The following STAB2 variants were observed in gnomAD, a reference collection of about 807,000 sequenced individuals.
The protein encoded by STAB2 is stabilin 2.
A neutral mutation model predicts 338.1 loss-of-function variants in STAB2; 288 were observed. The observed-to-expected ratio is 0.85, with a 90% CI of 0.77 to 0.94. The LOEUF (loss-of-function observed/expected upper bound fraction) is 0.94. STAB2 is among the 40% of genes least tolerant of loss of function. The probability of loss-of-function intolerance (pLI) is 0.00; values close to 1 mark genes in which losing one functional copy is unlikely to be tolerated. For synonymous variants in STAB2, 1,202 were observed against 1,193.3 expected, an observed-to-expected ratio of 1.01 and a Z score of -0.15; for missense variants, 3,141 against 3,210.1, an observed-to-expected ratio of 0.98 and a Z score of 0.52.
chr12:103,640,364 A>T, intron 9 of STAB2, 108 bp downstream of exon 9: 1 of 1,413,508 alleles, frequency 7.1e-7, no homozygotes, highest in South Asian at 1.4e-5. Context: ...TCAGCCTTGC[A>T]TCCACCCCCA....
rs985062203 is a variant in STAB2 at position 103,591,072 on chromosome 12, C to T, written c.215+42C>T. 7.5e-6 allele frequency: 12 copies of T among 1,609,704 alleles called. No individual in the cohort carries two copies. The East Asian group carries it at 2.5e-4, about 33-fold the overall frequency. On this transcript the variant is annotated intron_variant, in intron 2 of 68. Coordinates refer to ENST00000388887, the MANE Select transcript of STAB2 (RefSeq NM_017564.10). ...AAACGTGATGGAACTATGAATCCAA[C>T]TTGAAGCTCCCTGTCTCAAAAACTG...
chr12:103,644,805 T>C (rs1873214929), intron 9 of STAB2, among the ~76,000 whole-genome samples: 1 of 151,920 alleles, frequency 6.6e-6, no homozygotes, highest in African/African-American at 2.4e-5. Flanking sequence ...ACTGAAAGAG[T>C]ATAATTGGGT....
intron 34 of STAB2, 135 bp downstream of exon 34, chr12:103,699,362 C>A: frequency 8.6e-7 from 1 of 1,167,070 alleles, no homozygotes. Flanking sequence ...CTGATAAAGA[C>A]ATAGCCAAGA....
intron 47 of STAB2, among the ~76,000 whole-genome samples, chr12:103,727,739 C>T (rs568199891): frequency 5.3e-4 from 81 of 152,244 alleles, no homozygotes; most frequent in African/African-American, 1.8e-3. Flanking sequence ...CTAATATTCA[C>T]GGGGGCTCTT....
chr12:103,727,971 T>C (rs1422466364), intron 47 of STAB2, among the ~76,000 whole-genome samples: 1 of 152,182 alleles, frequency 6.6e-6, no homozygotes, highest in Admixed American at 6.5e-5. Context: ...TGGGCCCGTG[T>C]ACTTAACCAC....
chr12:103,716,081 G>T (rs192675832), intron 43 of STAB2, among the ~76,000 whole-genome samples, 193 bp downstream of exon 43: 117 of 152,270 alleles, frequency 7.7e-4, no homozygotes, highest in Non-Finnish European at 1.3e-3. Flanking sequence ...GAAAACCAAG[G>T]GTACTAGGAC....
intron 31 of STAB2, among the ~76,000 whole-genome samples, chr12:103,693,946 A>T (rs1448725466): frequency 6.6e-6 from 1 of 151,818 alleles, no homozygotes; most frequent in Non-Finnish European, 1.5e-5. Flanking sequence ...AGGTCAAGAG[A>T]TCGAAACCAT....
chr12:103,604,293 T>G (rs1305433487), intron 3 of STAB2, among the ~76,000 whole-genome samples: 1 of 152,140 alleles, frequency 6.6e-6, no homozygotes, highest in Non-Finnish European at 1.5e-5. Flanking sequence ...ATTTTGTGTC[T>G]GTACTCATTG....
Position 103,766,514 on chromosome 12 carries a change from A to C in STAB2, c.*178A>C. 1 of 661,022 alleles carries C rather than the reference A, an allele frequency of 1.5e-6. No individual in the cohort carries two copies. The highest frequency in any genetic ancestry group is 2.5e-6 in the Non-Finnish European group (1 of 395,712). The allele number at this position is 661,022 out of a possible 1,614,324, so 40.9% of individuals were successfully genotyped here. The stretch of plus-strand genomic sequence containing the variant: ...GGGTGAGAGATGTGTTGCTGTGCCC[A>C]CCCAGTACAGCTTCCTCCTCTGACC... On this transcript the variant is annotated 3_prime_UTR_variant, in exon 69 of 69. Transcript: ENST00000388887.
At chr12:103,600,091 T>C (rs1203201481) in intron 3 of STAB2, among the ~76,000 whole-genome samples, 3 of 152,224 alleles carry the variant, frequency 2.0e-5, no homozygotes, top group African/African-American at 7.2e-5. Flanking sequence ...CTCATTTAGA[T>C]GTGAAAATGA....
intron 39 of STAB2, 106 bp from the exon 40 acceptor site, chr12:103,711,365 A>G: frequency 6.9e-7 from 1 of 1,444,384 alleles, no homozygotes; most frequent in Non-Finnish European, 9.6e-7. Flanking sequence ...CGCTCACATG[A>G]TACATATCAC....
rs1957464474 is a variant in STAB2, at chr12:103,631,630, G to A, written c.520G>A (p.Gly174Arg). 6.2e-7 allele frequency: 1 copy of A among 1,614,128 alleles called. No homozygotes were observed. Among genetic ancestry groups the A allele is most frequent in the Non-Finnish European group, 8.5e-7 (1 of 1,180,028 alleles). ...CNCVHGVCNS[G>R]LDGDGTCECY... ...CTGTGTGCATGGGGTGTGCAACAGTGGACTAGATGGCGATGGAACCTGTGA... is the reference window on the plus strand; with the variant it reads ...CTGTGTGCATGGGGTGTGCAACAGTAGACTAGATGGCGATGGAACCTGTGA... Residue 174 changes from glycine (G) to arginine (R), a missense_variant, in exon 6 of 69, where the codon GGA (glycine) becomes AGA (arginine). By Grantham distance (125) the Gly-to-Arg change is moderately radical (BLOSUM62 -2). Transcript: ENST00000388887.
chr12:103,723,516 G>A (rs904457945), intron 44 of STAB2, among the ~76,000 whole-genome samples: 23 of 152,386 alleles, frequency 1.5e-4, no homozygotes, highest in African/African-American at 5.3e-4. Context: ...TGAGATTTGG[G>A]TGGGAACACA....
intron 52 of STAB2, among the ~76,000 whole-genome samples, chr12:103,737,298 G>A (rs1882206113): frequency 6.6e-6 from 1 of 152,168 alleles, no homozygotes. Context: ...ACCATTCACT[G>A]GGCAAGTCAT....
At chr12:103,654,863 G>C in intron 13 of STAB2, 165 bp downstream of exon 13, 1 of 860,448 alleles carries the variant, frequency 1.2e-6, no homozygotes, top group African/African-American at 1.7e-5. Context: ...AGAAACCTGG[G>C]AATCTCTGCA....
chr12:103,649,934 G>A (rs1873614106), intron 10 of STAB2, among the ~76,000 whole-genome samples: 1 of 152,118 alleles, frequency 6.6e-6, no homozygotes, highest in South Asian at 2.1e-4. Context: ...CACTGCCTCT[G>A]GGTGTGAGAA....
intron 59 of STAB2, among the ~76,000 whole-genome samples, chr12:103,749,945 G>A (rs1439595946): frequency 2.7e-5 from 4 of 150,450 alleles, no homozygotes; most frequent in East Asian, 2.0e-4. Flanking sequence ...TATAAAGGTG[G>A]TTCTAGAGTC....
intron 12 of STAB2, among the ~76,000 whole-genome samples, chr12:103,653,000 C>T (rs1873859991): frequency 6.6e-6 from 1 of 152,134 alleles, no homozygotes; most frequent in Non-Finnish European, 1.5e-5. Flanking sequence ...AGAAACTTTG[C>T]TATAAACCTG....
At position 103,654,768 on chromosome 12, in the gene STAB2, G is replaced by A. The variant is rs1235092636; in HGVS notation, c.1551+70G>A. 1.9e-6 allele frequency: 3 copies of A among 1,554,754 alleles called. No individual in the cohort carries two copies. In the Admixed American group the frequency reaches 5.6e-5, roughly 29 times the overall value. ...TTTGTTCCCTGGAGAGTCACATCCAGAGCATGCCAGCACTCTGTGCTTGTG... is the reference window on the plus strand; with the variant it reads ...TTTGTTCCCTGGAGAGTCACATCCAAAGCATGCCAGCACTCTGTGCTTGTG... On this transcript the variant is annotated intron_variant, in intron 13 of 68. Transcript: ENST00000388887.
Sources: allele counts gnomAD v4.1 joint callset (sites outside exome capture counted in the v4.1 genomes callset), GRCh38; gene constraint gnomAD v4.1.1; transcripts MANE v1.5; gene names NCBI Gene and HGNC (gene_info 2026-07-23, HGNC 2026-07-21).